Variants in CPLANE1 observed in about 807,000 individuals in gnomAD.
CPLANE1 encodes the protein ciliogenesis and planar polarity effector complex subunit 1.
A neutral mutation model predicts 362.5 loss-of-function variants in CPLANE1; 263 were observed. The observed-to-expected ratio is 0.73, with a 90% CI of 0.66 to 0.80. The LOEUF is 0.80. Among genes scored for constraint, CPLANE1 ranks in the 30% least tolerant of loss-of-function variants. CPLANE1 has a pLI of 0.00. For synonymous variants in CPLANE1, 1,212 were observed against 1,302.6 expected (o/e 0.93, Z 1.50); for missense variants, 3,461 against 3,793.4 (o/e 0.91, Z 2.30).
chr5:37,142,038 A>C (rs1407725309), intron 44 of CPLANE1: 1 of 832,310 alleles, frequency 1.2e-6, no homozygotes, highest in Non-Finnish European at 1.5e-6. Context: ...ATTTTTGTAA[A>C]AATCAACTAT....
At chr5:37,157,221 C>T (rs1775378006) in intron 41 of CPLANE1, 92 bp downstream of exon 41, 6 of 586,948 alleles carry the variant, frequency 1.0e-5, no homozygotes, top group Admixed American at 7.9e-5. Context: ...AACCCTTTTT[C>T]TGGTTTCTTT....
chr5:37,173,106 G>A lies in CPLANE1; in HGVS notation c.6171+649C>T, dbSNP rs563704333. 6.6e-5 allele frequency among the ~76,000 whole-genome samples: 10 copies of A among 152,326 alleles called. No individual in the cohort carries two copies. In the East Asian group the frequency reaches 1.7e-3, roughly 26 times the overall value. On this transcript the variant is annotated intron_variant, in intron 32 of 52. Transcript: ENST00000651892. ...GAAGTGAATGTAGGACAAATGAGCAGAGGTTTAGATCTGAAGGAAACTAAT... is the reference window on the plus strand; with the variant it reads ...GAAGTGAATGTAGGACAAATGAGCAAAGGTTTAGATCTGAAGGAAACTAAT...
intron 46 of CPLANE1, among the ~76,000 whole-genome samples, chr5:37,132,537 G>A (rs1205037882): frequency 2.0e-5 from 3 of 151,870 alleles, no homozygotes; most frequent in African/African-American, 4.8e-5. Flanking sequence ...CAGTAGTGAC[G>A]GGGTTTCACC....
chr5:37,087,491 C>G, the CPLANE1 span, among the ~76,000 whole-genome samples: 1 of 152,188 alleles, frequency 6.6e-6, no homozygotes, highest in Non-Finnish European at 1.5e-5. Context: ...GAGTTTCACT[C>G]TGTTGCCCAG....
intron 21 of CPLANE1, among the ~76,000 whole-genome samples, chr5:37,190,258 G>A (rs983593497): frequency 6.6e-6 from 1 of 151,964 alleles, no homozygotes; most frequent in Non-Finnish European, 1.5e-5. Context: ...ATGGGGGCAA[G>A]GAAACTTTTA....
chr5:37,108,405 T>C lies in CPLANE1; in HGVS notation c.9467A>G (p.Gln3156Arg), dbSNP rs768570313. 23 of 1,614,230 alleles carry C rather than the reference T, an allele frequency of 1.4e-5. No individual in the cohort carries two copies. Among genetic ancestry groups the C allele is most frequent in the Non-Finnish European group, 1.9e-5 (22 of 1,180,034 alleles). Residue 3156 changes from glutamine to arginine, a missense_variant, in exon 52 of 53, where the codon CAA (glutamine) becomes CGA (arginine). Gln to Arg is a conservative substitution (Grantham distance 43). Coordinates refer to ENST00000651892, the MANE Select transcript of CPLANE1 (RefSeq NM_001384732.1). Reference protein sequence around the residue: ...KKHGSAGLAPQTKQVCVEYER... With the variant: ...KKHGSAGLAPRTKQVCVEYER... ...ATACTCTACACACACCTGCTTGGTT[T>C]GAGGTGCAAGCCCAGCACTTCCATG...
In CPLANE1 at chr5:37,227,701, A is replaced by G; in HGVS notation, c.1238T>C (p.Val413Ala). The change falls in exon 10 of 53, where the codon GTT (valine) becomes GCT (alanine). Residue 413 changes from valine (V) to alanine (A), a missense_variant. Val to Ala is a moderately conservative substitution (Grantham distance 64). Coordinates refer to ENST00000651892, the MANE Select transcript of CPLANE1 (RefSeq NM_001384732.1). ...IKAHSRLPYL[V>A]ISDGYMVTTL... ...TGTGACCATATATCCATCAGATATA[A>G]CGAGGTAGGGTAACCGTGAGTGTGC... The G allele has an allele frequency of 6.4e-7, 1 of 1,551,476 alleles. No individual in the cohort carries two copies. The highest frequency in any genetic ancestry group is 8.7e-7 in the Non-Finnish European group (1 of 1,146,868).
chr5:37,084,327 T>C, the CPLANE1 span, among the ~76,000 whole-genome samples: 1 of 152,116 alleles, frequency 6.6e-6, no homozygotes, highest in Admixed American at 6.5e-5. Flanking sequence ...AGAACCTCTT[T>C]AAAGCATAAA....
chr5:37,186,959 G>A (rs1001221666), intron 23 of CPLANE1, among the ~76,000 whole-genome samples: 1 of 150,554 alleles, frequency 6.6e-6, no homozygotes, highest in African/African-American at 2.5e-5. Flanking sequence ...TGCTCGGAAG[G>A]CTGAGGCAGG....
intron 51 of CPLANE1, among the ~76,000 whole-genome samples, chr5:37,112,206 T>C (rs1464248278): frequency 6.6e-6 from 1 of 152,242 alleles, no homozygotes; most frequent in African/African-American, 2.4e-5. Flanking sequence ...CCACCTACTC[T>C]GCTAAAATTA....
chr5:37,167,273 C>T (rs952456209), intron 34 of CPLANE1, 60 bp from the exon 35 acceptor site: 54 of 1,283,902 alleles, frequency 4.2e-5, no homozygotes, highest in Non-Finnish European at 5.8e-5. Context: ...TGTAATATTT[C>T]AACAAAAGAC....
intron 25 of CPLANE1, 87 bp downstream of exon 25, chr5:37,184,701 G>T: frequency 1.8e-6 from 2 of 1,120,222 alleles, no homozygotes; most frequent in Non-Finnish European, 1.3e-6. Flanking sequence ...AGTGAGGGTT[G>T]CTGGGACCAG....
At chr5:37,196,939 A>G (rs964578336) in intron 20 of CPLANE1, among the ~76,000 whole-genome samples, 7 of 146,258 alleles carry the variant, frequency 4.8e-5, no homozygotes, top group Non-Finnish European at 9.1e-5. Context: ...AGAAAAAAGG[A>G]AAAAAAAAAA....
At position 37,195,899 on chromosome 5, in the gene CPLANE1, G is replaced by T. The variant is rs527328313; in HGVS notation, c.3770C>A (p.Ala1257Asp). Residue 1257 changes from alanine to aspartate, a missense_variant, in exon 21 of 53, where the codon GCT becomes GAT. Ala to Asp is a moderately radical substitution (Grantham distance 126, BLOSUM62 -2). Coordinates refer to ENST00000651892, the MANE Select transcript of CPLANE1 (RefSeq NM_001384732.1). ...AACTTCATCAAGCTTGTGGTCTCCA[G>T]CTGCTCCAGGTCTAAAAAATGCGAT... ...GGIAFFRPGA[A>D]GDHKLDEVSI... is the part of the protein sequence containing the mutation. 8 of 1,613,294 alleles carry T rather than the reference G, an allele frequency of 5.0e-6. No individual in the cohort carries two copies. In the East Asian group the frequency reaches 1.6e-4, roughly 32 times the overall value.
chr5:37,089,429 C>T, the CPLANE1 span, among the ~76,000 whole-genome samples: 1 of 152,126 alleles, frequency 6.6e-6, no homozygotes, highest in Non-Finnish European at 1.5e-5. Flanking sequence ...TGATGTGGCT[C>T]TCTCAAGATC....
At chr5:37,082,803 A>G in the CPLANE1 span, among the ~76,000 whole-genome samples, 1 of 152,094 alleles carries the variant, frequency 6.6e-6, no homozygotes, top group Admixed American at 6.5e-5. Context: ...GAGTAGCTAT[A>G]CTTAGATGAA....
the CPLANE1 span, among the ~76,000 whole-genome samples, chr5:37,098,794 T>G: frequency 1.4e-5 from 2 of 147,390 alleles, no homozygotes; most frequent in East Asian, 2.0e-4. Flanking sequence ...AACAAGTCAA[T>G]GCAGAAATTA....
chr5:37,150,280 C>T (rs1181782111), intron 42 of CPLANE1, among the ~76,000 whole-genome samples: 1 of 152,180 alleles, frequency 6.6e-6, no homozygotes, highest in Non-Finnish European at 1.5e-5. Context: ...CTCATCCTTA[C>T]AAGGCAGTGT....
the CPLANE1 span, among the ~76,000 whole-genome samples, chr5:37,100,378 T>C: frequency 6.6e-6 from 1 of 152,220 alleles, no homozygotes; most frequent in Non-Finnish European, 1.5e-5. Context: ...CTTTTCCCCT[T>C]TGCTTGCTTT....
Sources: gnomAD v4.1 joint callset for allele counts (sites outside exome capture counted in the v4.1 genomes callset) on GRCh38, gnomAD v4.1.1 for gene constraint, MANE v1.5 for transcripts, NCBI Gene and HGNC (gene_info 2026-07-23, HGNC 2026-07-21) for gene names.